Variants in GGT7 observed in about 807,000 individuals in gnomAD.
The protein encoded by GGT7 is glutathione hydrolase 7.
GGT7 carries 30 observed loss-of-function variants against 69.2 expected under a neutral mutation model. The observed-to-expected ratio is 0.43, with a 90% CI of 0.32 to 0.59. The LOEUF is 0.59. Among genes scored for constraint, GGT7 ranks in the 20% least tolerant of loss-of-function variants. GGT7 has a pLI of 0.05. For synonymous variants in GGT7, 388 were observed against 391.8 expected (o/e 0.99, Z 0.12); for missense variants, 733 against 901.1 (o/e 0.81, Z 2.39).
In GGT7 at chr20:34,872,710, C is replaced by T. The variant is rs2079801036; in HGVS notation, c.106G>A (p.Ala36Thr). 2 of 1,487,922 alleles carry T rather than the reference C, an allele frequency of 1.3e-6. No homozygotes were observed. The highest frequency in any genetic ancestry group is 1.8e-6 in the Non-Finnish European group (2 of 1,123,166). The allele number at this position is 1,487,922 out of a possible 1,614,324, so 92.2% of individuals were successfully genotyped here. ...SFPRLPEDEPAPAAPLRGRKD... is the reference protein window; with the variant it reads ...SFPRLPEDEPTPAAPLRGRKD... ...CGGCCCCTCAGCGGGGCCGCGGGCG[C>T]CGGCTCGTCCTCGGGCAGCCGCGGG... is the stretch of plus-strand genomic sequence containing the variant. Residue 36 changes from alanine (A) to threonine (T), a missense_variant, in exon 1 of 15, where the codon GCG becomes ACG. By Grantham distance (58) the Ala-to-Thr change is moderately conservative (BLOSUM62 0). Transcript: ENST00000336431.
intron 1 of GGT7, among the ~76,000 whole-genome samples, chr20:34,869,922 AAAGT>A (rs952260367): frequency 7.9e-5 from 12 of 152,206 alleles, no homozygotes; most frequent in Non-Finnish European, 1.8e-4. Flanking sequence ...CAGAAGAAAG[AAAGT>A]ATTTCCCAAC....
Position 34,845,307 on chromosome 20 carries a change from A to G in GGT7, c.*21T>C. 1 of 1,601,182 alleles carries G rather than the reference A, an allele frequency of 6.2e-7. No individual in the cohort carries two copies. The highest frequency in any genetic ancestry group is 8.5e-7 in the Non-Finnish European group (1 of 1,172,900). On this transcript the variant is annotated 3_prime_UTR_variant, in exon 15 of 15. Coordinates refer to ENST00000336431, the MANE Select transcript of GGT7 (RefSeq NM_178026.3). Reference sequence around the variant, plus strand: ...GAACATGCAAAGTGGGGGAGCAGAGACCCCGCCCCACCCCGCTGCTCTACA... The same window carrying G: ...GAACATGCAAAGTGGGGGAGCAGAGGCCCCGCCCCACCCCGCTGCTCTACA...
At chr20:34,848,199 G>A (rs774237627) in intron 14 of GGT7, among the ~76,000 whole-genome samples, 1 of 152,326 alleles carries the variant, frequency 6.6e-6, no homozygotes, top group Admixed American at 6.5e-5. Flanking sequence ...AGTCACAAAG[G>A]TGCTGGGTAA....
chr20:34,848,084 C>A (rs1382162102), intron 14 of GGT7, among the ~76,000 whole-genome samples: 2 of 152,100 alleles, frequency 1.3e-5, no homozygotes, highest in African/African-American at 4.8e-5. Flanking sequence ...CAGAGTGAGA[C>A]TCTATCTCAA....
intron 1 of GGT7, 141 bp downstream of exon 1, chr20:34,872,506 A>G: frequency 1.7e-6 from 1 of 592,650 alleles, no homozygotes; most frequent in East Asian, 3.5e-5. Flanking sequence ...AATAATTAAC[A>G]GAGACAAGGG....
At chr20:34,859,368 GA>G in intron 7 of GGT7, 74 bp downstream of exon 7, 7 of 1,176,588 alleles carry the variant, frequency 5.9e-6, no homozygotes, top group Non-Finnish European at 8.3e-6. Flanking sequence ...GGGAAGGAAG[GA>G]AAAAATGCGG....
At position 34,862,824 on chromosome 20, in the gene GGT7, C is replaced by T. The variant is rs770238108; in HGVS notation, c.547G>A (p.Gly183Ser). 1.3e-5 allele frequency: 21 copies of T among 1,613,934 alleles called. No individual in the cohort carries two copies. Among genetic ancestry groups the T allele is most frequent in the Middle Eastern group, 1.6e-4 (1 of 6,078 alleles). Residue 183 changes from glycine to serine, a missense_variant, in exon 3 of 15, where the codon GGC (glycine) becomes AGC (serine). Gly to Ser is a moderately conservative substitution (Grantham distance 56). Coordinates refer to ENST00000336431, the MANE Select transcript of GGT7 (RefSeq NM_178026.3). ...TCCACTGCTCCTTACCCGCCCAGGC[C>T]AGAACTGTGTGGAGCCACGATACCC... ...CLGIVAPHSS[G>S]LGGGGVMLVH...
intron 14 of GGT7, among the ~76,000 whole-genome samples, chr20:34,848,271 T>C (rs1392432184): frequency 1.3e-5 from 2 of 152,076 alleles, no homozygotes; most frequent in Non-Finnish European, 2.9e-5. Context: ...TTCATTCTGG[T>C]TTTTGCCTAG....
intron 10 of GGT7, among the ~76,000 whole-genome samples, chr20:34,852,918 T>C (rs1051133281): frequency 3.3e-5 from 5 of 151,842 alleles, no homozygotes; most frequent in Non-Finnish European, 7.4e-5. Flanking sequence ...TTATTAAGAG[T>C]TTAGTTGGGG....
At position 34,856,834 on chromosome 20, in the gene GGT7, C is replaced by T. The variant is rs752914826; in HGVS notation, c.1074G>A (p.Val358=). Residue 358 remains valine (V), a synonymous_variant, in exon 8 of 15, where the codon GTG becomes GTA. Transcript: ENST00000336431. The part of the protein sequence containing the change: ...EEDFSNYSAL[V]EKPVCGVYRG... ...TGTACACGCCACACACAGGCTTCTC[C>T]ACAAGGGCGCTGTAATTGCTGAAGT... The T allele has an allele frequency of 1.2e-6, 2 of 1,611,496 alleles. No homozygotes were observed. The highest frequency in any genetic ancestry group is 3.3e-5 in the Admixed American group (2 of 59,954).
rs569819094 is a variant in GGT7 at position 34,852,235 on chromosome 20, G to T, written c.1507C>A (p.Pro503Thr). 7 of 1,614,018 alleles carry T rather than the reference G, an allele frequency of 4.3e-6. No homozygotes were observed. In the South Asian group the frequency reaches 7.7e-5, roughly 18 times the overall value. The change falls in exon 12 of 15, where the codon CCC becomes ACC. Residue 503 changes from proline to threonine, a missense_variant. Pro to Thr is a conservative substitution (Grantham distance 38). Coordinates refer to ENST00000336431, the MANE Select transcript of GGT7 (RefSeq NM_178026.3). ...NQPFGSGLIT[P>T]SGILLNSQML... Reference sequence around the variant, plus strand: ...TGGCTGTTGAGCAGGATCCCCGAGGGGGTGATAAGGCCGCTGCCAAAGGGC... The same window carrying T: ...TGGCTGTTGAGCAGGATCCCCGAGGTGGTGATAAGGCCGCTGCCAAAGGGC...
intron 6 of GGT7, 66 bp downstream of exon 6, chr20:34,859,903 A>T: frequency 1.7e-6 from 2 of 1,190,646 alleles, no homozygotes; most frequent in Non-Finnish European, 2.4e-6. Context: ...TTGGGCTCCA[A>T]ATCTCAAAGA....
chr20:34,847,759 A>AT (rs558592764), intron 14 of GGT7, among the ~76,000 whole-genome samples: 61 of 152,252 alleles, frequency 4.0e-4, no homozygotes, highest in African/African-American at 1.4e-3. Flanking sequence ...AAATGATGTC[A>AT]TTTTTCCATT....
At chr20:34,852,905 G>GA (rs1258241855) in intron 10 of GGT7, among the ~76,000 whole-genome samples, 1 of 151,988 alleles carries the variant, frequency 6.6e-6, no homozygotes, top group Non-Finnish European at 1.5e-5. Context: ...GTAGTCTAAA[G>GA]TTTTATTAAG....
Position 34,859,555 on chromosome 20 carries a change from G to C in GGT7, c.902C>G (p.Pro301Arg). The C allele has an allele frequency of 6.2e-7, 1 of 1,606,296 alleles. No individual in the cohort carries two copies. Among genetic ancestry groups the C allele is most frequent in the Non-Finnish European group, 8.5e-7 (1 of 1,176,662 alleles). The change falls in exon 7 of 15, where the codon CCT becomes CGT. Residue 301 changes from proline (P) to arginine (R), a missense_variant. By Grantham distance (103) the Pro-to-Arg change is moderately radical (BLOSUM62 -2). Coordinates refer to ENST00000336431, the MANE Select transcript of GGT7 (RefSeq NM_178026.3). Reference protein sequence around the residue: ...TFLPSGRPPLPGSLLHRPDLA... With the variant: ...TFLPSGRPPLRGSLLHRPDLA... Reference sequence around the variant, plus strand: ...GTCGGGCCGATGCAGCAACGAGCCAGGTAGTGGCGGGCGGCCCGATGGCAG... The same window carrying C: ...GTCGGGCCGATGCAGCAACGAGCCACGTAGTGGCGGGCGGCCCGATGGCAG...
At chr20:34,870,533 C>T (rs1259267980) in intron 1 of GGT7, among the ~76,000 whole-genome samples, 2 of 152,112 alleles carry the variant, frequency 1.3e-5, no homozygotes, top group African/African-American at 4.8e-5. Flanking sequence ...CTCTGTTGCC[C>T]AGGCTGGAGT....
chr20:34,852,052 C>T (rs955376597), intron 12 of GGT7, 103 bp downstream of exon 12: 2 of 796,720 alleles, frequency 2.5e-6, no homozygotes, highest in African/African-American at 1.7e-5. Flanking sequence ...CTTCCTTATA[C>T]TAGAAGATTC....
intron 7 of GGT7, 58 bp downstream of exon 7, chr20:34,859,385 G>T: frequency 1.5e-6 from 2 of 1,354,976 alleles, no homozygotes; most frequent in Non-Finnish European, 2.0e-6. Context: ...TGCGGACGCG[G>T]ATGTCCTGCA....
intron 4 of GGT7, among the ~76,000 whole-genome samples, chr20:34,860,757 T>C (rs66535774): frequency 0.3 from 45,109 of 150,916 alleles, 7,887 homozygotes; most frequent in African/African-American, 0.49. Flanking sequence ...TGCATGCTAC[T>C]GTGCCTGGCT....
Sources: allele counts gnomAD v4.1 joint callset (sites outside exome capture counted in the v4.1 genomes callset), GRCh38; gene constraint gnomAD v4.1.1; transcripts MANE v1.5; gene names NCBI Gene and HGNC (gene_info 2026-07-23, HGNC 2026-07-21).